LNX1: variants seen among roughly 807,000 people sequenced by gnomAD.
LNX1 encodes E3 ubiquitin-protein ligase LNX.
In LNX1, 54 loss-of-function variants were observed where a neutral mutation model predicts 68.4. The observed-to-expected ratio is 0.79, with a 90% CI of 0.63 to 0.99. The LOEUF (loss-of-function observed/expected upper bound fraction) is 0.99, where lower values mean the gene tolerates loss of function less well. Among genes scored for constraint, LNX1 ranks in the 50% least tolerant of loss-of-function variants. The pLI, the probability that LNX1 is intolerant of heterozygous loss-of-function variation, is 0.00. For synonymous variants in LNX1, 336 were observed against 350.0 expected, an observed-to-expected ratio of 0.96 and a Z score of 0.45; for missense variants, 906 against 926.4, an observed-to-expected ratio of 0.98 and a Z score of 0.29.
chr4:53,461,591 C>T lies in LNX1; in HGVS notation c.1895G>A (p.Cys632Tyr). 6.2e-7 allele frequency: 1 copy of T among 1,607,788 alleles called. No individual in the cohort carries two copies. Among genetic ancestry groups the T allele is most frequent in the South Asian group, 1.1e-5 (1 of 90,562 alleles). The stretch of plus-strand genomic sequence containing the variant: ...TACAATATCTTTACAGTTATACAAG[C>T]ACCTGAAATAGAATGTAATCAGTGT... ...SWVMWLELPRCLYNCKDIVLR... is the reference protein window; with the variant it reads ...SWVMWLELPRYLYNCKDIVLR... The change falls in exon 10 of 11, where the codon TGC (cysteine) becomes TAC (tyrosine). Residue 632 changes from cysteine to tyrosine, a missense_variant and splice_region_variant. By Grantham distance (194) the Cys-to-Tyr change is radical. Coordinates refer to ENST00000263925, the MANE Select transcript of LNX1 (RefSeq NM_001126328.3).
At chr4:53,631,473 T>C (rs933295744) in intron 1 of LNX1, among the ~76,000 whole-genome samples, 2 of 152,192 alleles carry the variant, frequency 1.3e-5, no homozygotes, top group African/African-American at 4.8e-5. Flanking sequence ...CTATTATCCA[T>C]AGAGGCCTCT....
chr4:53,596,143 G>A (rs1020053900), upstream of LNX1, among the ~76,000 whole-genome samples: 7 of 152,166 alleles, frequency 4.6e-5, no homozygotes, highest in African/African-American at 1.4e-4. Flanking sequence ...GATCTCAGAA[G>A]GGCAATTATG....
At chr4:53,542,463 G>A (rs1210395707) in intron 2 of LNX1, among the ~76,000 whole-genome samples, 1 of 152,184 alleles carries the variant, frequency 6.6e-6, no homozygotes, top group Non-Finnish European at 1.5e-5. Flanking sequence ...GCCCAGCCAT[G>A]GGAAGGTGTT....
intron 2 of LNX1, chr4:53,603,743 GA>G (rs1217045529): frequency 1.3e-5 from 2 of 152,128 alleles, no homozygotes; most frequent in East Asian, 1.9e-4. Flanking sequence ...TCATTCATGA[GA>G]AATCTGCCCC....
intron 1 of LNX1, among the ~76,000 whole-genome samples, chr4:53,583,932 AAACAACAACAACAAC>A (rs57272023): frequency 3.4e-4 from 51 of 149,760 alleles, no homozygotes; most frequent in Non-Finnish European, 4.3e-4. Flanking sequence ...GACCCCCTGC[AAACAACAACAACAAC>A]AACAACAACA....
intron 2 of LNX1, among the ~76,000 whole-genome samples, chr4:53,516,640 G>A (rs909822018): frequency 6.6e-6 from 1 of 152,182 alleles, no homozygotes; most frequent in African/African-American, 2.4e-5. Context: ...TGCCAGGAAT[G>A]GTAGATTCTG....
intron 5 of LNX1, among the ~76,000 whole-genome samples, chr4:53,498,400 T>C (rs768309606): frequency 6.6e-6 from 1 of 151,736 alleles, no homozygotes; most frequent in Non-Finnish European, 1.5e-5. Context: ...CAAAATGATA[T>C]AGAGACAGAT....
chr4:53,539,783 T>C (rs911749706), intron 2 of LNX1, among the ~76,000 whole-genome samples: 2 of 152,214 alleles, frequency 1.3e-5, no homozygotes, highest in African/African-American at 4.8e-5. Flanking sequence ...ATCAAAGATA[T>C]TGCTCGCTTC....
At chr4:53,564,733 C>T (rs967439672) in intron 2 of LNX1, among the ~76,000 whole-genome samples, 3 of 152,004 alleles carry the variant, frequency 2.0e-5, no homozygotes, top group African/African-American at 4.8e-5. Flanking sequence ...TCTGAGGTAC[C>T]GGGTTCATCT....
chr4:53,552,418 AAAC>A (rs1405066947), intron 2 of LNX1, among the ~76,000 whole-genome samples: 1 of 152,206 alleles, frequency 6.6e-6, no homozygotes, highest in Non-Finnish European at 1.5e-5. Flanking sequence ...GGAGATGAAA[AAAC>A]TCCACTTTTC....
intron 1 of LNX1, chr4:53,576,005 A>G (rs1363337513): frequency 1.2e-5 from 19 of 1,565,500 alleles, no homozygotes; most frequent in Non-Finnish European, 1.6e-5. Context: ...CAGGCCCTCC[A>G]TCTTCCCCCC....
chr4:53,475,374 C>T (rs776023444), intron 9 of LNX1, among the ~76,000 whole-genome samples: 6 of 152,188 alleles, frequency 3.9e-5, no homozygotes, highest in African/African-American at 7.2e-5. Flanking sequence ...ACTGACTCAA[C>T]GCTCAGATTT....
chr4:53,544,822 T>G (rs1577690005), intron 2 of LNX1, among the ~76,000 whole-genome samples: 1 of 152,270 alleles, frequency 6.6e-6, no homozygotes, highest in East Asian at 1.9e-4. Flanking sequence ...AGTAGCTCCA[T>G]GAGGTTGATG....
At chr4:53,522,800 A>G (rs1465878692) in intron 2 of LNX1, among the ~76,000 whole-genome samples, 2 of 152,156 alleles carry the variant, frequency 1.3e-5, no homozygotes, top group Non-Finnish European at 2.9e-5. Flanking sequence ...CTGTCTCAAA[A>G]ACACAAAACC....
At chr4:53,512,508 G>GTCTGTGTA in intron 2 of LNX1, among the ~76,000 whole-genome samples, 1 of 149,388 alleles carries the variant, frequency 6.7e-6, no homozygotes, top group Non-Finnish European at 1.5e-5. Flanking sequence ...GTGTGTGTGT[G>GTCTGTGTA]TGTGTGTGTG....
At chr4:53,586,237 CA>C (rs1732164162) in intron 1 of LNX1, among the ~76,000 whole-genome samples, 1 of 152,068 alleles carries the variant, frequency 6.6e-6, no homozygotes, top group Non-Finnish European at 1.5e-5. Context: ...TCTGAAAACA[CA>C]TGGTGACTCA....
In LNX1 at chr4:53,460,407, G is replaced by GATA. The variant is rs1297328236; in HGVS notation, c.*497_*499dup. 1 of 189,212 alleles carries GATA rather than the reference G, an allele frequency of 5.3e-6. No individual in the cohort carries two copies. Among genetic ancestry groups the GATA allele is most frequent in the Admixed American group, 6.2e-5 (1 of 16,168 alleles). The allele number at this position is 189,212 out of a possible 1,614,324, so 11.7% of individuals were successfully genotyped here. A position where few individuals can be genotyped will look rare whatever the true frequency, so the allele number is the denominator to read the frequency against. On this transcript the variant is annotated 3_prime_UTR_variant, in exon 11 of 11. Coordinates refer to ENST00000263925, the MANE Select transcript of LNX1 (RefSeq NM_001126328.3). ...AAATTACTAGGATCTTTTAAATAGT[G>GATA]ATAATACAAAAGTAATCTTAATTAG...
At chr4:53,482,497 T>A (rs1163327940) in intron 6 of LNX1, among the ~76,000 whole-genome samples, 1 of 152,194 alleles carries the variant, frequency 6.6e-6, no homozygotes, top group African/African-American at 2.4e-5. Context: ...AAATGTGGTA[T>A]GTATATACCA....
chr4:53,556,027 AG>A (rs1330259289), intron 2 of LNX1, among the ~76,000 whole-genome samples: 1 of 152,204 alleles, frequency 6.6e-6, no homozygotes, highest in East Asian at 1.9e-4. Context: ...GGCCCCCAAA[AG>A]ATGTCTACCC....
Sources: allele counts gnomAD v4.1 joint callset (sites outside exome capture counted in the v4.1 genomes callset), GRCh38; gene constraint gnomAD v4.1.1; transcripts MANE v1.5; gene names NCBI Gene and HGNC (gene_info 2026-07-23, HGNC 2026-07-21).